Variants in ICE2 observed in about 807,000 individuals in gnomAD.
The protein encoded by ICE2 is interactor of little elongation complex ELL subunit 2.
In ICE2, 87 loss-of-function variants were observed where a neutral mutation model predicts 105.4. That is an observed-to-expected ratio of 0.83 (90% confidence interval 0.69 to 0.99). The LOEUF (loss-of-function observed/expected upper bound fraction) is 0.99. Ranked by LOEUF, ICE2 falls within the 50% of genes least tolerant of loss-of-function variation. The pLI is 0.00. For synonymous variants in ICE2, 399 were observed against 392.0 expected (o/e 1.02, Z -0.21); for missense variants, 1,323 against 1,146.7 (o/e 1.15, Z -2.22).
At chr15:60,442,592 T>A in intron 11 of ICE2, 47 bp from the exon 12 acceptor site, 2 of 1,434,428 alleles carry the variant, frequency 1.4e-6, no homozygotes, top group South Asian at 1.3e-5. Flanking sequence ...AATTTACTAT[T>A]AATAGCAAAT....
intron 2 of ICE2, 103 bp from the exon 3 acceptor site, chr15:60,476,270 C>T (rs3759910): frequency 0.16 from 105,763 of 665,454 alleles, 9,125 homozygotes; most frequent in Middle Eastern, 0.23. Context: ...TACCTTCTTA[C>T]CCCCCCATCC....
intron 9 of ICE2, chr15:60,452,399 G>A (rs922723819): frequency 1.9e-5 from 7 of 375,574 alleles, no homozygotes; most frequent in East Asian, 3.3e-4. Context: ...CTTCTTAATC[G>A]TGAATATAAA....
chr15:60,475,946 T>C, intron 3 of ICE2, 117 bp downstream of exon 3: 1 of 664,086 alleles, frequency 1.5e-6, no homozygotes. Context: ...TTAAAAGTTG[T>C]TTTACTTTAA....
At position 60,442,668 on chromosome 15, in the gene ICE2, T is replaced by A; in HGVS notation, c.2296-123A>T. On this transcript the variant is annotated intron_variant, in intron 11 of 15. Transcript: ENST00000261520. ...AGGTAATCTTATTTCATCCTTTCAA[T>A]TACAGCAGGATTCACACTGTAAGAT... 4.2e-6 allele frequency: 3 copies of A among 710,624 alleles called. No homozygotes were observed. In the South Asian group the frequency reaches 6.2e-5, roughly 15 times the overall value. 44.0% of individuals were successfully genotyped at this position (710,624 alleles called of 1,614,324 possible). A position where few individuals can be genotyped will look rare whatever the true frequency, so the allele number is the denominator to read the frequency against.
rs146488019 is a variant in ICE2 at position 60,428,521 on chromosome 15, C to G, written c.2728G>C (p.Asp910His). The change falls in exon 15 of 16, where the codon GAT becomes CAT. Residue 910 changes from aspartate to histidine, a missense_variant. Coordinates refer to ENST00000261520, the MANE Select transcript of ICE2 (RefSeq NM_024611.6). ...TGATATGGTAATAACAGGCTGGGATCTAATGGGACCCAGGGAACTGAGAGA... is the reference window on the plus strand; with the variant it reads ...TGATATGGTAATAACAGGCTGGGATGTAATGGGACCCAGGGAACTGAGAGA... Reference protein sequence around the residue: ...SSLSVPWVPLDPSLLLPYHIH... With the variant: ...SSLSVPWVPLHPSLLLPYHIH... 5 of 1,614,012 alleles carry G rather than the reference C, an allele frequency of 3.1e-6. No homozygotes were observed. The highest frequency in any genetic ancestry group is 4.2e-6 in the Non-Finnish European group (5 of 1,180,020).
In ICE2 at chr15:60,423,796, T is replaced by C. The variant is rs778666271; in HGVS notation, c.2821-34A>G. On this transcript the variant is annotated intron_variant, in intron 15 of 15. Coordinates refer to ENST00000261520, the MANE Select transcript of ICE2 (RefSeq NM_024611.6). Reference sequence around the variant, plus strand: ...TGAAGCAGAGAACAGAATAGCTTAATGTATCTACAACATACCTATATACAG... The same window carrying C: ...TGAAGCAGAGAACAGAATAGCTTAACGTATCTACAACATACCTATATACAG... The C allele has an allele frequency of 7.1e-6, 11 of 1,540,010 alleles. No homozygotes were observed. The East Asian group carries it at 1.6e-4, about 23-fold the overall frequency.
chr15:60,426,341 T>A (rs2140986666), intron 15 of ICE2, among the ~76,000 whole-genome samples: 1 of 152,220 alleles, frequency 6.6e-6, no homozygotes, highest in East Asian at 1.9e-4. Context: ...CATACAGTAT[T>A]CAGTACAGCA....
At chr15:60,451,196 AT>A in intron 9 of ICE2, 1 of 647,390 alleles carries the variant, frequency 1.5e-6, no homozygotes, top group African/African-American at 2.0e-5. Context: ...TAAGTAAAAA[AT>A]AAAAAGGAAT....
chr15:60,457,932 T>C lies in ICE2; in HGVS notation c.529-1138A>G, dbSNP rs572627480. Among the ~76,000 whole-genome samples the C allele has an allele frequency of 4.6e-5, 7 of 152,296 alleles. No individual in the cohort carries two copies. The East Asian group carries it at 1.3e-3, about 29-fold the overall frequency. On this transcript the variant is annotated intron_variant, in intron 5 of 15. Coordinates refer to ENST00000261520, the MANE Select transcript of ICE2 (RefSeq NM_024611.6). ...GGTAGTTATTACAAGAATTTGAATATGCAAAGGAAGGTGATAAATAAGAAC... is the reference window on the plus strand; with the variant it reads ...GGTAGTTATTACAAGAATTTGAATACGCAAAGGAAGGTGATAAATAAGAAC...
intron 9 of ICE2, chr15:60,452,336 TG>T (rs2063985903): frequency 7.2e-6 from 6 of 832,018 alleles, no homozygotes; most frequent in Non-Finnish European, 8.7e-6. Context: ...AAATTTTGTT[TG>T]CTCCCTCATT....
chr15:60,434,723 T>C (rs2063544663), intron 13 of ICE2, among the ~76,000 whole-genome samples: 1 of 152,060 alleles, frequency 6.6e-6, no homozygotes, highest in South Asian at 2.1e-4. Flanking sequence ...TCATGGAGCA[T>C]GGAGATACAG....
intron 3 of ICE2, among the ~76,000 whole-genome samples, chr15:60,471,294 A>T (rs1231675693): frequency 6.6e-6 from 1 of 152,252 alleles, no homozygotes; most frequent in East Asian, 1.9e-4. Flanking sequence ...AAAAATAAGC[A>T]TATTTTAGGT....
At chr15:60,448,704 T>C (rs2063882555) in intron 10 of ICE2, 144 bp downstream of exon 10, 1 of 728,390 alleles carries the variant, frequency 1.4e-6, no homozygotes, top group African/African-American at 1.8e-5. Context: ...GCTGAAATAC[T>C]GATCAATAGA....
chr15:60,470,034 C>CA (rs1156520003), intron 3 of ICE2, among the ~76,000 whole-genome samples: 1 of 152,108 alleles, frequency 6.6e-6, no homozygotes, highest in Non-Finnish European at 1.5e-5. Flanking sequence ...CACAACAATC[C>CA]ACAGAGGAAG....
intron 12 of ICE2, chr15:60,440,135 A>G (rs1265514321): frequency 6.6e-6 from 1 of 152,226 alleles, no homozygotes; most frequent in South Asian, 2.1e-4. Flanking sequence ...AAACAATTAT[A>G]AACAGACTTT....
intron 12 of ICE2, among the ~76,000 whole-genome samples, chr15:60,436,890 C>G (rs115413750): frequency 0.043 from 6,546 of 151,882 alleles, 418 homozygotes; most frequent in African/African-American, 0.14. Context: ...CAGATAAAAT[C>G]AAATGTACAG....
intron 13 of ICE2, among the ~76,000 whole-genome samples, 171 bp from the exon 14 acceptor site, chr15:60,432,155 T>C: frequency 6.6e-6 from 1 of 151,604 alleles, no homozygotes; most frequent in East Asian, 1.9e-4. Context: ...ATTATGATAT[T>C]TACTTAATTT....
At chr15:60,456,593 A>ACACACACC in intron 6 of ICE2, 64 bp downstream of exon 6, 1 of 504,380 alleles carries the variant, frequency 2.0e-6, no homozygotes, top group South Asian at 2.0e-5. Flanking sequence ...ATACACACAC[A>ACACACACC]CACACACACA....
At chr15:60,432,121 G>T (rs199530772) in intron 13 of ICE2, 137 bp from the exon 14 acceptor site, 2 of 306,028 alleles carry the variant, frequency 6.5e-6, no homozygotes, top group Non-Finnish European at 6.1e-6. Context: ...CAAAAAATCT[G>T]AAACTTATTT....
Sources: allele counts gnomAD v4.1 joint callset (sites outside exome capture counted in the v4.1 genomes callset), GRCh38; gene constraint gnomAD v4.1.1; transcripts MANE v1.5; gene names NCBI Gene and HGNC (gene_info 2026-07-23, HGNC 2026-07-21).